The following AGTPBP1 variants were observed in gnomAD, a reference collection of about 807,000 sequenced individuals.
The protein encoded by AGTPBP1 is cytosolic carboxypeptidase 1.
In AGTPBP1, 70 loss-of-function variants were observed where a neutral mutation model predicts 143.9. The ratio of observed to expected loss-of-function variants is 0.49; its 90% CI spans 0.40 to 0.59. The LOEUF (loss-of-function observed/expected upper bound fraction) is 0.59. Among genes scored for constraint, AGTPBP1 ranks in the 20% least tolerant of loss-of-function variants. AGTPBP1 has a pLI of 0.00. For synonymous variants in AGTPBP1, 463 were observed against 500.2 expected, an observed-to-expected ratio of 0.93 and a Z score of 0.99; for missense variants, 1,229 against 1,464.5, an observed-to-expected ratio of 0.84 and a Z score of 2.62.
chr9:85,777,540 C>A, the AGTPBP1 span, among the ~76,000 whole-genome samples: 2 of 152,222 alleles, frequency 1.3e-5, no homozygotes, highest in African/African-American at 4.8e-5. Context: ...TGGGCAATGA[C>A]AGGGGTGGCT....
At position 85,700,296 on chromosome 9, in the gene AGTPBP1, G is replaced by A. The variant is rs117382560; in HGVS notation, c.33-7483C>T. On this transcript the variant is annotated intron_variant, in intron 2 of 25. Transcript: ENST00000357081. ...AAAGTGTAATTCCTGCTCACATTAC[G>A]TGTACAGTGCAAGTCAGCAGGAGAC... 5.3e-5 allele frequency among the ~76,000 whole-genome samples: 8 copies of A among 152,162 alleles called. No individual in the cohort carries two copies. In the East Asian group the frequency reaches 7.7e-4, roughly 15 times the overall value.
chr9:85,708,003 G>A (rs1837124264), intron 2 of AGTPBP1, among the ~76,000 whole-genome samples: 1 of 152,034 alleles, frequency 6.6e-6, no homozygotes. Flanking sequence ...CATGGCACGT[G>A]TATACTTATG....
At position 85,642,963 on chromosome 9, in the gene AGTPBP1, A is replaced by G; in HGVS notation, c.1186-20T>C. 1 of 1,568,236 alleles carries G rather than the reference A, an allele frequency of 6.4e-7. No individual in the cohort carries two copies. The highest frequency in any genetic ancestry group is 8.7e-7 in the Non-Finnish European group (1 of 1,144,636). Reference sequence around the variant, plus strand: ...ATCATTCTGAAATGATAAAAAGAGTATGTTATCAGGTAAAACAAAATTTTT... The same window carrying G: ...ATCATTCTGAAATGATAAAAAGAGTGTGTTATCAGGTAAAACAAAATTTTT... On this transcript the variant is annotated intron_variant, in intron 12 of 25. Transcript: ENST00000357081.
the AGTPBP1 span, chr9:85,773,787 A>G: frequency 4.3e-6 from 4 of 936,852 alleles, no homozygotes; most frequent in Non-Finnish European, 6.7e-6. Flanking sequence ...GTAGATTATT[A>G]TATTAGCTTA....
intron 17 of AGTPBP1, among the ~76,000 whole-genome samples, chr9:85,613,479 A>C (rs1459425380): frequency 6.6e-6 from 1 of 152,038 alleles, no homozygotes; most frequent in Non-Finnish European, 1.5e-5. Context: ...ATAGCACACA[A>C]ATTTCTGCTA....
At chr9:85,720,749 T>C (rs1171851556) in intron 1 of AGTPBP1, among the ~76,000 whole-genome samples, 5 of 152,182 alleles carry the variant, frequency 3.3e-5, no homozygotes, top group Admixed American at 3.3e-4. Context: ...CTTTTAATTG[T>C]GATGTTAGGG....
intron 25 of AGTPBP1, among the ~76,000 whole-genome samples, chr9:85,554,996 A>C (rs1826247045): frequency 1.3e-5 from 2 of 152,198 alleles, no homozygotes; most frequent in Admixed American, 1.3e-4. Flanking sequence ...AAGCAGAGAT[A>C]GGTAAGTAGA....
intron 6 of AGTPBP1, among the ~76,000 whole-genome samples, chr9:85,675,196 A>G (rs1285518987): frequency 1.3e-5 from 2 of 151,788 alleles, no homozygotes; most frequent in East Asian, 3.9e-4. Flanking sequence ...GTACCCGGCC[A>G]AAGGCAAAAC....
intron 25 of AGTPBP1, among the ~76,000 whole-genome samples, chr9:85,573,520 C>T (rs535029418): frequency 6.4e-4 from 98 of 152,182 alleles, no homozygotes; most frequent in African/African-American, 2.1e-3. Context: ...TCTGCCTGGC[C>T]GCCACCCCGT....
the AGTPBP1 span, among the ~76,000 whole-genome samples, chr9:85,766,526 A>T: frequency 3.3e-5 from 5 of 152,176 alleles, no homozygotes; most frequent in Non-Finnish European, 7.3e-5. Context: ...GGATCCCATA[A>T]CAAAAAACGT....
intron 2 of AGTPBP1, among the ~76,000 whole-genome samples, chr9:85,704,547 A>G (rs913530413): frequency 3.3e-5 from 5 of 152,360 alleles, no homozygotes; most frequent in East Asian, 1.9e-4. Context: ...ATTTAGTCAG[A>G]TAGACTGAGA....
intron 18 of AGTPBP1, among the ~76,000 whole-genome samples, chr9:85,595,643 C>T (rs1829252281): frequency 6.6e-6 from 1 of 152,298 alleles, no homozygotes; most frequent in African/African-American, 2.4e-5. Flanking sequence ...TCTCTTCCCT[C>T]AGCCTCCTGA....
At chr9:85,621,622 T>C (rs1192742295) in intron 14 of AGTPBP1, among the ~76,000 whole-genome samples, 1 of 152,068 alleles carries the variant, frequency 6.6e-6, no homozygotes, top group East Asian at 1.9e-4. Flanking sequence ...TAATTCTGTA[T>C]ACATAATAGC....
At chr9:85,745,448 T>A (rs938374863), upstream of AGTPBP1, among the ~76,000 whole-genome samples, 3 of 152,214 alleles carry the variant, frequency 2.0e-5, no homozygotes, top group Non-Finnish European at 4.4e-5. Context: ...TTCTGAGGAA[T>A]TAAGCAAATG....
intron 14 of AGTPBP1, among the ~76,000 whole-genome samples, chr9:85,625,756 G>A (rs1216687708): frequency 2.0e-5 from 3 of 151,598 alleles, no homozygotes; most frequent in Non-Finnish European, 2.9e-5. Context: ...GTGGTGGCAC[G>A]TGCCTGTAAT....
Position 85,657,567 on chromosome 9 carries a change from A to G in AGTPBP1, c.777T>C (p.His259=), listed in dbSNP as rs1833603395. The change falls in exon 10 of 26, where the codon CAT becomes CAC. Residue 259 remains histidine, a synonymous_variant. Transcript: ENST00000357081. ...LLTIYVDWHR[H]DNRHRNMLIR... Reference sequence around the variant, plus strand: ...TGAGCATGTTTCTATGCCGGTTATCATGGCGGTGCCAATCTACATAAATTG... The same window carrying G: ...TGAGCATGTTTCTATGCCGGTTATCGTGGCGGTGCCAATCTACATAAATTG... The G allele has an allele frequency of 2.5e-6, 4 of 1,614,026 alleles. No individual in the cohort carries two copies. The highest frequency in any genetic ancestry group is 2.5e-6 in the Non-Finnish European group (3 of 1,179,916).
At position 85,572,941 on chromosome 9, in the gene AGTPBP1, TTGA is replaced by T. The variant is rs546806804; in HGVS notation, c.3503+2371_3503+2373del. ...AGGGCAGAGCAATAAATTAACAAAT[TTGA>T]TGACAAGTTAATACCTAACAACAAA... On this transcript the variant is annotated intron_variant, in intron 25 of 25. Transcript: ENST00000357081. 8.5e-5 allele frequency among the ~76,000 whole-genome samples: 13 copies of T among 152,242 alleles called. No homozygotes were observed. The East Asian group carries it at 2.5e-3, about 29-fold the overall frequency.
the AGTPBP1 span, chr9:85,764,889 T>C: frequency 8.1e-7 from 1 of 1,227,114 alleles, no homozygotes; most frequent in Non-Finnish European, 1.2e-6. Context: ...ATTTTTAAGA[T>C]GAAAAACTTA....
intron 2 of AGTPBP1, among the ~76,000 whole-genome samples, chr9:85,697,095 G>T (rs1316769996): frequency 6.6e-6 from 1 of 152,010 alleles, no homozygotes; most frequent in African/African-American, 2.4e-5. Context: ...ATCTAAAAAG[G>T]CTACTAAAGT....
Sources: gnomAD v4.1 joint callset for allele counts (sites outside exome capture counted in the v4.1 genomes callset) on GRCh38, gnomAD v4.1.1 for gene constraint, MANE v1.5 for transcripts, NCBI Gene and HGNC (gene_info 2026-07-23, HGNC 2026-07-21) for gene names.